PCLO: variants seen among roughly 807,000 people sequenced by gnomAD.
PCLO encodes protein piccolo.
In PCLO, 82 loss-of-function variants were observed where a neutral mutation model predicts 427.5. The ratio of observed to expected loss-of-function variants is 0.19; its 90% CI spans 0.16 to 0.23. The LOEUF is 0.23. Ranked by LOEUF, PCLO falls within the 10% of genes least tolerant of loss-of-function variation. The pLI is 1.00. For synonymous variants in PCLO, 2,357 were observed against 2,155.4 expected, an observed-to-expected ratio of 1.09 and a Z score of -2.59; for missense variants, 6,239 against 6,115.9, an observed-to-expected ratio of 1.02 and a Z score of -0.67.
chr7:83,093,488 A>ATTTTTT lies in PCLO; in HGVS notation c.3300+40761_3300+40762insAAAAAA, dbSNP rs1322277167. Among the ~76,000 whole-genome samples the ATTTTTT allele has an allele frequency of 2.7e-3, 188 of 69,158 alleles. 3 individuals are homozygous for ATTTTTT. Among genetic ancestry groups the ATTTTTT allele is most frequent in the African/African-American group, 0.011 (180 of 15,938 alleles). 45.4% of individuals were successfully genotyped at this position (69,158 alleles called of 152,430 possible). A position where few individuals can be genotyped will look rare whatever the true frequency, so the allele number is the denominator to read the frequency against. On this transcript the variant is annotated intron_variant, in intron 3 of 24. Coordinates refer to ENST00000333891, the MANE Select transcript of PCLO (RefSeq NM_033026.6). ...TGTGTGTGTGTATAGATATATATAT[A>ATTTTTT]TATATTTTTTTTTTTTTTTTTTGAG...
At chr7:83,008,674 G>T (rs1454948228) in intron 3 of PCLO, among the ~76,000 whole-genome samples, 2 of 151,684 alleles carry the variant, frequency 1.3e-5, no homozygotes, top group Non-Finnish European at 3.0e-5. Context: ...GCTTTGCAGG[G>T]TTAGGTAGGA....
At chr7:82,909,151 T>G in intron 7 of PCLO, 138 bp from the exon 8 acceptor site, 1 of 719,484 alleles carries the variant, frequency 1.4e-6, no homozygotes, top group Non-Finnish European at 2.1e-6. Flanking sequence ...CCCTTGGGAC[T>G]AGAAAAATTA....
At chr7:82,812,231 C>G (rs1791587783) in intron 20 of PCLO, among the ~76,000 whole-genome samples, 2 of 151,258 alleles carry the variant, frequency 1.3e-5, no homozygotes, top group African/African-American at 4.8e-5. Context: ...CATTATCTGG[C>G]TTTATAGATA....
At chr7:82,940,913 C>A (rs1369824041) in intron 6 of PCLO, among the ~76,000 whole-genome samples, 1 of 151,554 alleles carries the variant, frequency 6.6e-6, no homozygotes. Flanking sequence ...CAGGTGCTTG[C>A]CACCACGCCC....
intron 2 of PCLO, among the ~76,000 whole-genome samples, chr7:83,148,514 CT>C (rs1006021144): frequency 1.3e-5 from 2 of 151,970 alleles, no homozygotes; most frequent in East Asian, 1.9e-4. Context: ...TAAGTAAATA[CT>C]TTTTTTTCTT....
In PCLO at chr7:82,955,277, TA is replaced by T; in HGVS notation, c.5675del (p.Leu1892TyrfsTer20). ...TAGATTGCTCATCTGTTGGTGAGTA[TA>T]ATGAAACAGCTGTGGGCAATTTATA... Reference protein sequence around the residue: ...KVYKLPTAVSLYSPTDEQSIM... With the variant: ...KVYKLPTAVSXYSPTDEQSIM... On this transcript the variant is annotated frameshift_variant, in exon 5 of 25. Coordinates refer to ENST00000333891, the MANE Select transcript of PCLO (RefSeq NM_033026.6). LOFTEE classifies it high-confidence loss of function. 6.2e-7 allele frequency: 1 copy of T among 1,613,634 alleles called. No individual in the cohort carries two copies. The highest frequency in any genetic ancestry group is 8.5e-7 in the Non-Finnish European group (1 of 1,179,780).
At chr7:83,037,856 C>T (rs1788833285) in intron 3 of PCLO, among the ~76,000 whole-genome samples, 2 of 147,894 alleles carry the variant, frequency 1.4e-5, no homozygotes, top group East Asian at 2.0e-4. Context: ...ACTGTTTTCA[C>T]TGGGACCATT....
At chr7:83,081,217 A>G (rs1289520317) in intron 3 of PCLO, among the ~76,000 whole-genome samples, 1 of 152,026 alleles carries the variant, frequency 6.6e-6, no homozygotes, top group Admixed American at 6.6e-5. Flanking sequence ...ACATACAAAC[A>G]TACAAATAAA....
At position 82,950,654 on chromosome 7, in the gene PCLO, T is replaced by A; in HGVS notation, c.9934A>T (p.Ile3312Phe). The change falls in exon 6 of 25, where the codon ATT becomes TTT. Residue 3312 changes from isoleucine to phenylalanine, a missense_variant. Ile to Phe is a conservative substitution (Grantham distance 21). Coordinates refer to ENST00000333891, the MANE Select transcript of PCLO (RefSeq NM_033026.6). ...TAGTTATACTGGTAGATCTGCCGAA[T>A]CTTTTGCTCCTCCAGCTGCTGGTGA... ...QLHQQLEEQK[I>F]RQIYQYNYDP... The A allele has an allele frequency of 6.2e-7, 1 of 1,613,810 alleles. No individual in the cohort carries two copies. Among genetic ancestry groups the A allele is most frequent in the Non-Finnish European group, 8.5e-7 (1 of 1,179,812 alleles).
At chr7:83,038,065 T>TTATATA (rs1562933217) in intron 3 of PCLO, among the ~76,000 whole-genome samples, 4 of 31,544 alleles carry the variant, frequency 1.3e-4, no homozygotes, top group African/African-American at 4.3e-4. Context: ...ATATATATAT[T>TTATATA]TATATATTTA....
intron 6 of PCLO, among the ~76,000 whole-genome samples, chr7:82,922,765 C>T (rs2116304842): frequency 6.6e-6 from 1 of 152,034 alleles, no homozygotes; most frequent in South Asian, 2.1e-4. Flanking sequence ...AAACGAACTA[C>T]CTCATCTTTT....
intron 3 of PCLO, among the ~76,000 whole-genome samples, chr7:82,982,938 T>C (rs770222597): frequency 2.6e-4 from 39 of 151,682 alleles, no homozygotes; most frequent in Non-Finnish European, 4.3e-4. Context: ...TTATTTTATA[T>C]AAAGTTTTTA....
Position 82,754,698 on chromosome 7 carries a change from G to A in PCLO, c.*3877C>T, listed in dbSNP as rs1790281444. 6.6e-6 allele frequency: 1 copy of A among 151,946 alleles called. No homozygotes were observed. The highest frequency in any genetic ancestry group is 2.1e-4 in the South Asian group (1 of 4,820). The allele number at this position is 151,946 out of a possible 1,614,324, so 9.4% of individuals were successfully genotyped here. The stretch of plus-strand genomic sequence containing the variant: ...TTAATAATAGAACATGAAACATACA[G>A]AAAACAGCATTGTATCATATTCAAT... On this transcript the variant is annotated 3_prime_UTR_variant, in exon 25 of 25. Coordinates refer to ENST00000333891, the MANE Select transcript of PCLO (RefSeq NM_033026.6).
In PCLO at chr7:83,162,471, A is replaced by G. The variant is rs770733576; in HGVS notation, c.122T>C (p.Met41Thr). The G allele has an allele frequency of 8.8e-6, 14 of 1,585,820 alleles. No individual in the cohort carries two copies. The East Asian group carries it at 2.8e-4, about 31-fold the overall frequency. ...SPSHTAIPAG[M>T]EADLSQLSEE... ...GCTCAGCTGGCTCAAATCCGCCTCC[A>G]TGCCGGCCGGGATCGCGGTGTGAGA... The change falls in exon 1 of 25, where the codon ATG (methionine) becomes ACG (threonine). Residue 41 changes from methionine to threonine, a missense_variant. Met to Thr is a moderately conservative substitution (Grantham distance 81, BLOSUM62 -1). This residue lies in a region of PCLO where 4,677 missense variants were observed against 4,468.4 expected (regional missense o/e 1.05). Transcript: ENST00000333891.
At chr7:83,065,044 A>G (rs551334620) in intron 3 of PCLO, among the ~76,000 whole-genome samples, 2 of 91,958 alleles carry the variant, frequency 2.2e-5, no homozygotes, top group South Asian at 3.9e-4. Context: ...CATCTTTGCA[A>G]AGCTTGGGTT....
intron 3 of PCLO, among the ~76,000 whole-genome samples, chr7:83,095,275 T>C (rs1790504463): frequency 6.6e-6 from 1 of 152,110 alleles, no homozygotes; most frequent in Non-Finnish European, 1.5e-5. Context: ...TCTCTTTTAA[T>C]TTCTACAGGA....
intron 8 of PCLO, among the ~76,000 whole-genome samples, chr7:82,903,943 A>G (rs1249142194): frequency 2.0e-5 from 3 of 151,954 alleles, no homozygotes; most frequent in Non-Finnish European, 4.4e-5. Context: ...ACAGGTATTT[A>G]AAAAACTGAA....
chr7:83,153,096 CACATTCCTA>C (rs1252419064), intron 2 of PCLO, among the ~76,000 whole-genome samples: 1 of 151,712 alleles, frequency 6.6e-6, no homozygotes, highest in Non-Finnish European at 1.5e-5. Flanking sequence ...ATTATTACTT[CACATTCCTA>C]TAAGGAGAGT....
intron 6 of PCLO, among the ~76,000 whole-genome samples, chr7:82,925,149 C>T (rs940330704): frequency 2.0e-5 from 3 of 152,058 alleles, no homozygotes; most frequent in Non-Finnish European, 2.9e-5. Flanking sequence ...TATTTTCTTC[C>T]GCTCTGCTCC....
Sources: allele counts gnomAD v4.1 joint callset (sites outside exome capture counted in the v4.1 genomes callset), GRCh38; gene constraint gnomAD v4.1.1; regional missense constraint gnomAD v4.1.1; transcripts MANE v1.5; gene names NCBI Gene and HGNC (gene_info 2026-07-23, HGNC 2026-07-21).